Variants in CD302 observed in about 807,000 individuals in gnomAD.
CD302 encodes the protein CD302 antigen.
Under a neutral mutation model 26.5 loss-of-function variants are expected in CD302, and 23 were observed. The observed-to-expected ratio is 0.87, with a 90% CI of 0.62 to 1.23. CD302 has a LOEUF of 1.23. CD302 is among the 50% of genes most tolerant of loss of function. The pLI is 0.00. For missense variants in CD302, 290 were observed against 275.5 expected (o/e 1.05, Z -0.37); for synonymous variants, 90 against 99.4 (o/e 0.91, Z 0.56).
intron 5 of CD302, among the ~76,000 whole-genome samples, chr2:159,774,122 C>G (rs547252171): frequency 6.6e-6 from 1 of 151,976 alleles, no homozygotes; most frequent in South Asian, 2.1e-4. Flanking sequence ...ATCTCCTACT[C>G]ACTTGGCTTC....
In CD302 at chr2:159,780,309, TAGA is replaced by T. The variant is rs1435717064; in HGVS notation, c.296-134_296-132del. On this transcript the variant is annotated intron_variant, in intron 3 of 5. Transcript: ENST00000259053. The stretch of plus-strand genomic sequence containing the variant: ...AAACTTCTGATTGTAGGATTAAAAT[TAGA>T]AGGAGGAATATATCCTGTGTACAGC... The T allele has an allele frequency of 4.1e-6, 4 of 982,136 alleles. No homozygotes were observed. In the African/African-American group the frequency reaches 6.6e-5, roughly 16 times the overall value. The allele number at this position is 982,136 out of a possible 1,614,324, so 60.8% of individuals were successfully genotyped here.
chr2:159,786,764 T>A lies in CD302; in HGVS notation c.68-3295A>T, dbSNP rs1381145489. ...ACATGCAATGCACAAGTCATAAATA[T>A]ACAGGTTGGTGAATTTTTTTCTTTT... On this transcript the variant is annotated intron_variant, in intron 1 of 5. Transcript: ENST00000259053. 2.0e-5 allele frequency among the ~76,000 whole-genome samples: 3 copies of A among 152,240 alleles called. No individual in the cohort carries two copies. The East Asian group carries it at 5.8e-4, about 29-fold the overall frequency.
chr2:159,796,982 GT>G (rs1349659880), intron 1 of CD302, among the ~76,000 whole-genome samples: 1 of 152,140 alleles, frequency 6.6e-6, no homozygotes, highest in Admixed American at 6.5e-5. Context: ...CAAAATTAAT[GT>G]TCCCAGTCTG....
rs944163132 is a variant in CD302, at chr2:159,771,646, A to G, written c.*205T>C. The G allele has an allele frequency of 5.8e-5, 32 of 553,394 alleles. No homozygotes were observed. In the Admixed American group the frequency reaches 7.0e-4, roughly 12 times the overall value. 34.3% of individuals were successfully genotyped at this position (553,394 alleles called of 1,614,324 possible). On this transcript the variant is annotated 3_prime_UTR_variant, in exon 6 of 6. Coordinates refer to ENST00000259053, the MANE Select transcript of CD302 (RefSeq NM_014880.5). ...CTTTGACGGGATGCTTAAAATCACT[A>G]TATTAGATCTAAGATCATTTCTAAA...
At chr2:159,794,951 A>G (rs1708911177) in intron 1 of CD302, among the ~76,000 whole-genome samples, 1 of 151,146 alleles carries the variant, frequency 6.6e-6, no homozygotes, top group Non-Finnish European at 1.5e-5. Flanking sequence ...CAGGCCGGGC[A>G]CGGTGGCTCA....
chr2:159,776,267 T>A (rs1042726698), intron 5 of CD302, among the ~76,000 whole-genome samples: 1 of 151,498 alleles, frequency 6.6e-6, no homozygotes, highest in African/African-American at 2.5e-5. Flanking sequence ...ATGTGCAGAT[T>A]ACATTTTGTT....
At position 159,771,187 on chromosome 2, in the gene CD302, A is replaced by G. The variant is rs1708136058; in HGVS notation, c.*664T>C. The G allele has an allele frequency of 6.6e-6, 1 of 152,266 alleles. No homozygotes were observed. The allele number at this position is 152,266 out of a possible 1,614,324, so 9.4% of individuals were successfully genotyped here. A position where few individuals can be genotyped will look rare whatever the true frequency, so the allele number is the denominator to read the frequency against. On this transcript the variant is annotated 3_prime_UTR_variant, in exon 6 of 6. Transcript: ENST00000259053. ...AGAGAGAAATCCTTAAAGGGGCACT[A>G]TAATATGTAAGTGTTAACCTAATTG...
chr2:159,784,220 C>G (rs1708600077), intron 1 of CD302, among the ~76,000 whole-genome samples: 1 of 151,956 alleles, frequency 6.6e-6, no homozygotes, highest in Admixed American at 6.6e-5. Flanking sequence ...GAGAATTTTA[C>G]TTAATTCCAG....
At chr2:159,772,381 G>A (rs1461427598) in intron 5 of CD302, among the ~76,000 whole-genome samples, 1 of 152,064 alleles carries the variant, frequency 6.6e-6, no homozygotes, top group Non-Finnish European at 1.5e-5. Context: ...CAGACCTACT[G>A]TTCCCTTTAG....
rs576361885 is a variant in CD302 at position 159,780,888 on chromosome 2, T to C, written c.289A>G (p.Thr97Ala). The change falls in exon 3 of 6, where the codon ACA becomes GCA. Residue 97 changes from threonine to alanine, a missense_variant. By Grantham distance (58) the Thr-to-Ala change is moderately conservative. Coordinates refer to ENST00000259053, the MANE Select transcript of CD302 (RefSeq NM_014880.5). ...DDILLGMFYDTDDASFKWFDN... is the reference protein window; with the variant it reads ...DDILLGMFYDADDASFKWFDN... Reference sequence around the variant, plus strand: ...CGAGGTAAATATCACTTACCATCTGTGTCATAAAACATGCCTAGTAGGATA... The same window carrying C: ...CGAGGTAAATATCACTTACCATCTGCGTCATAAAACATGCCTAGTAGGATA... 1.2e-5 allele frequency: 20 copies of C among 1,612,620 alleles called. No individual in the cohort carries two copies. In the South Asian group the frequency reaches 2.1e-4, roughly 17 times the overall value.
At chr2:159,795,697 G>A (rs1167568441) in intron 1 of CD302, among the ~76,000 whole-genome samples, 1 of 152,188 alleles carries the variant, frequency 6.6e-6, no homozygotes, top group African/African-American at 2.4e-5. Flanking sequence ...AGGACCAGAG[G>A]TGTTGGAGTA....
Position 159,779,230 on chromosome 2 carries a change from C to CAAAAA in CD302, c.469+770_469+774dup, listed in dbSNP as rs10710620. ...TGGGCGACAGAGAGAGACTGCATCG[C>CAAAAA]AAAAAAAAAAAAAAAAAAAAAAAAA... On this transcript the variant is annotated intron_variant, in intron 4 of 5. Coordinates refer to ENST00000259053, the MANE Select transcript of CD302 (RefSeq NM_014880.5). Among the ~76,000 whole-genome samples, 153 of 47,784 alleles carry CAAAAA rather than the reference C, an allele frequency of 3.2e-3. 25 individuals carry two copies. Among genetic ancestry groups the CAAAAA allele is most frequent in the African/African-American group, 0.012 (121 of 9,694 alleles). 31.3% of individuals were successfully genotyped at this position (47,784 alleles called of 152,430 possible).
intron 5 of CD302, among the ~76,000 whole-genome samples, chr2:159,772,325 C>T (rs1459456586): frequency 6.6e-6 from 1 of 152,178 alleles, no homozygotes; most frequent in Admixed American, 6.5e-5. Flanking sequence ...TACCATGCTC[C>T]AGTTTGTCTT....
In CD302 at chr2:159,769,951, G is replaced by C. The variant is rs963657244; in HGVS notation, c.*1900C>G. The C allele has an allele frequency of 1.3e-5, 2 of 152,144 alleles. No individual in the cohort carries two copies. Among genetic ancestry groups the C allele is most frequent in the African/African-American group, 2.4e-5 (1 of 41,428 alleles). The allele number at this position is 152,144 out of a possible 1,614,324, so 9.4% of individuals were successfully genotyped here. The stretch of plus-strand genomic sequence containing the variant: ...TGTGGCTAATGTAATTCGAAAACTG[G>C]ATTTTAAACTAAATTTACTTAAATA... On this transcript the variant is annotated 3_prime_UTR_variant, in exon 6 of 6. Transcript: ENST00000259053.
At chr2:159,780,769 A>C (rs1044701389) in intron 3 of CD302, 113 bp downstream of exon 3, 1 of 953,758 alleles carries the variant, frequency 1.0e-6, no homozygotes, top group African/African-American at 1.6e-5. Flanking sequence ...AAAATTTAAC[A>C]CCTGGAGGCC....
At chr2:159,785,073 C>G (rs1708631176) in intron 1 of CD302, among the ~76,000 whole-genome samples, 1 of 150,352 alleles carries the variant, frequency 6.7e-6, no homozygotes, top group African/African-American at 2.5e-5. Context: ...CTCCCAGGCT[C>G]AAGTGATTCT....
At chr2:159,782,788 G>C (rs1004027025) in intron 2 of CD302, among the ~76,000 whole-genome samples, 1 of 151,130 alleles carries the variant, frequency 6.6e-6, no homozygotes, top group African/African-American at 2.4e-5. Flanking sequence ...ATTTCCTAGA[G>C]AACACTGAGT....
At chr2:159,794,795 G>A (rs896508563) in intron 1 of CD302, among the ~76,000 whole-genome samples, 2 of 151,164 alleles carry the variant, frequency 1.3e-5, no homozygotes, top group Admixed American at 6.6e-5. Context: ...TGATCCACCC[G>A]CCTCGGCCTC....
In CD302 at chr2:159,768,870, CTT is replaced by C. The variant is rs1448282327; in HGVS notation, c.*2979_*2980del. On this transcript the variant is annotated 3_prime_UTR_variant, in exon 6 of 6. Coordinates refer to ENST00000259053, the MANE Select transcript of CD302 (RefSeq NM_014880.5). ...GTTGTCTTCTGCTTAACCCATAAAACTTTATTTAAAAAATTTAACTAGATGGT... is the reference window on the plus strand; with the variant it reads ...GTTGTCTTCTGCTTAACCCATAAAACTATTTAAAAAATTTAACTAGATGGT... 2.0e-5 allele frequency: 3 copies of C among 152,052 alleles called. No individual in the cohort carries two copies. Among genetic ancestry groups the C allele is most frequent in the Non-Finnish European group, 2.9e-5 (2 of 67,990 alleles). 9.4% of individuals were successfully genotyped at this position (152,052 alleles called of 1,614,324 possible).
Sources: gnomAD v4.1 joint callset for allele counts (sites outside exome capture counted in the v4.1 genomes callset) on GRCh38, gnomAD v4.1.1 for gene constraint, MANE v1.5 for transcripts, NCBI Gene and HGNC (gene_info 2026-07-23, HGNC 2026-07-21) for gene names.